PLSCR1: variants seen among roughly 807,000 people sequenced by gnomAD.
PLSCR1 encodes phospholipid scramblase 1, also known as PL scramblase 1.
Under a neutral mutation model 37.8 loss-of-function variants are expected in PLSCR1, and 17 were observed. That is an observed-to-expected ratio of 0.45 (90% CI 0.31 to 0.68). The LOEUF is 0.68. PLSCR1 is among the 30% of genes least tolerant of loss of function. The pLI, the probability that PLSCR1 is intolerant of heterozygous loss-of-function variation, is 0.06. For missense variants in PLSCR1, 347 were observed against 380.9 expected, an observed-to-expected ratio of 0.91 and a Z score of 0.74; for synonymous variants, 116 against 125.9, an observed-to-expected ratio of 0.92 and a Z score of 0.53.
intron 5 of PLSCR1, among the ~76,000 whole-genome samples, chr3:146,522,593 T>TATATA (rs2044041058): frequency 6.6e-6 from 1 of 152,196 alleles, no homozygotes; most frequent in African/African-American, 2.4e-5. Context: ...AAGCCAGGTA[T>TATATA]TGTCCAAGGT....
At chr3:146,526,616 T>C (rs948755154) in intron 4 of PLSCR1, among the ~76,000 whole-genome samples, 4 of 152,196 alleles carry the variant, frequency 2.6e-5, no homozygotes, top group Non-Finnish European at 5.9e-5. Context: ...ACAGTCAATA[T>C]ATAGAATCAA....
intron 7 of PLSCR1, among the ~76,000 whole-genome samples, chr3:146,518,583 A>C (rs565270737): frequency 2.0e-5 from 3 of 152,162 alleles, no homozygotes; most frequent in Non-Finnish European, 4.4e-5. Flanking sequence ...TTTATTTTTT[A>C]ATTCTGAAAT....
rs765866817 is a variant in PLSCR1, at chr3:146,521,615, T to C, written c.667A>G (p.Lys223Glu). The C allele has an allele frequency of 6.2e-7, 1 of 1,613,950 alleles. No homozygotes were observed. The highest frequency in any genetic ancestry group is 8.5e-7 in the Non-Finnish European group (1 of 1,179,860). Residue 223 changes from lysine (K) to glutamate (E), a missense_variant, in exon 7 of 9, where the codon AAA (lysine) becomes GAA (glutamate). Lys to Glu is a moderately conservative substitution (Grantham distance 56). Coordinates refer to ENST00000342435, the MANE Select transcript of PLSCR1 (RefSeq NM_021105.3). ...CLPKFTIQNEKREDVLKISGP... is the reference protein window; with the variant it reads ...CLPKFTIQNEEREDVLKISGP... ...CTTATTTTTAGTACATCCTCTCTTT[T>C]CTCATTTTGAATTGTAAACTTTGGT...
At chr3:146,517,813 T>C (rs1458031839) in intron 7 of PLSCR1, among the ~76,000 whole-genome samples, 1 of 152,142 alleles carries the variant, frequency 6.6e-6, no homozygotes, top group Non-Finnish European at 1.5e-5. Flanking sequence ...AATTTTACAA[T>C]TCTGCCTGAG....
At chr3:146,527,611 T>C (rs1430388431) in intron 4 of PLSCR1, among the ~76,000 whole-genome samples, 2 of 152,216 alleles carry the variant, frequency 1.3e-5, no homozygotes, top group Non-Finnish European at 2.9e-5. Flanking sequence ...TCAACCTTTG[T>C]CATATGTGAT....
At chr3:146,529,890 A>G (rs113774403) in intron 3 of PLSCR1, among the ~76,000 whole-genome samples, 16 of 152,264 alleles carry the variant, frequency 1.1e-4, no homozygotes, top group African/African-American at 3.6e-4. Flanking sequence ...TTTAATCCAT[A>G]ATGTATTGCT....
At chr3:146,518,070 T>A (rs921976761) in intron 7 of PLSCR1, among the ~76,000 whole-genome samples, 4 of 152,210 alleles carry the variant, frequency 2.6e-5, no homozygotes, top group African/African-American at 7.2e-5. Flanking sequence ...AATATGAAGC[T>A]GATAGCATAA....
At chr3:146,535,109 A>G (rs866521986) in intron 2 of PLSCR1, among the ~76,000 whole-genome samples, 8 of 152,232 alleles carry the variant, frequency 5.3e-5, no homozygotes, top group African/African-American at 1.9e-4. Flanking sequence ...CTCCCAAATT[A>G]AGTTGGAAAC....
intron 3 of PLSCR1, among the ~76,000 whole-genome samples, chr3:146,530,249 C>A (rs900131474): frequency 6.6e-6 from 1 of 152,120 alleles, no homozygotes; most frequent in Admixed American, 6.5e-5. Context: ...TTAAATGGAT[C>A]ATTTATGATA....
chr3:146,519,358 C>T (rs2043987556), intron 7 of PLSCR1, among the ~76,000 whole-genome samples: 1 of 151,976 alleles, frequency 6.6e-6, no homozygotes, highest in South Asian at 2.1e-4. Context: ...TACTCAGGAT[C>T]AGTTTCTATA....
intron 5 of PLSCR1, among the ~76,000 whole-genome samples, chr3:146,522,416 T>G (rs1275436900): frequency 1.3e-5 from 2 of 148,814 alleles, no homozygotes; most frequent in Admixed American, 6.6e-5. Context: ...CCCTGAAACA[T>G]GTGCTGTGTC....
At chr3:146,520,095 CAA>C (rs2043998728) in intron 7 of PLSCR1, 1 of 152,062 alleles carries the variant, frequency 6.6e-6, no homozygotes, top group Non-Finnish European at 1.5e-5. Context: ...TTTGAGGTGT[CAA>C]AGTTTCCATT....
At chr3:146,533,611 C>G (rs1258976553) in intron 2 of PLSCR1, 61 bp from the exon 3 acceptor site, 1 of 985,562 alleles carries the variant, frequency 1.0e-6, no homozygotes, top group Non-Finnish European at 1.6e-6. Flanking sequence ...TAGAAAGAAA[C>G]AATGTATTGT....
At chr3:146,540,277 G>A (rs2044322142) in intron 1 of PLSCR1, among the ~76,000 whole-genome samples, 1 of 152,158 alleles carries the variant, frequency 6.6e-6, no homozygotes, top group Non-Finnish European at 1.5e-5. Context: ...AGACTTTGGA[G>A]GAAACTGAGG....
At chr3:146,536,972 C>T (rs2044273446) in intron 1 of PLSCR1, among the ~76,000 whole-genome samples, 1 of 152,202 alleles carries the variant, frequency 6.6e-6, no homozygotes, top group Admixed American at 6.5e-5. Context: ...TTGGCCCAGT[C>T]TCTGGGCCCC....
intron 3 of PLSCR1, among the ~76,000 whole-genome samples, chr3:146,529,813 G>A (rs1274330275): frequency 1.3e-5 from 2 of 151,990 alleles, no homozygotes; most frequent in Admixed American, 6.6e-5. Flanking sequence ...GCGCCCATTC[G>A]TTTAGTACAC....
intron 5 of PLSCR1, among the ~76,000 whole-genome samples, chr3:146,523,950 G>C (rs1159708261): frequency 6.6e-6 from 1 of 152,152 alleles, no homozygotes; most frequent in Non-Finnish European, 1.5e-5. Context: ...TGGAGGAAAA[G>C]TCACTCTATA....
At chr3:146,538,063 T>C (rs556346464) in intron 1 of PLSCR1, 47 of 152,360 alleles carry the variant, frequency 3.1e-4, no homozygotes, top group African/African-American at 1.1e-3. Context: ...AATCAAAAGA[T>C]GTGTTTGTGT....
chr3:146,532,441 T>C (rs2044211801), intron 3 of PLSCR1, among the ~76,000 whole-genome samples: 1 of 152,244 alleles, frequency 6.6e-6, no homozygotes. Flanking sequence ...TTTGCACTAC[T>C]ATTTTTAAGT....
Sources: allele counts gnomAD v4.1 joint callset (sites outside exome capture counted in the v4.1 genomes callset), GRCh38; gene constraint gnomAD v4.1.1; transcripts MANE v1.5; gene names NCBI Gene and HGNC (gene_info 2026-07-23, HGNC 2026-07-21).